Variants in TTC28 observed in about 807,000 individuals in gnomAD.
The protein encoded by TTC28 is tetratricopeptide repeat domain 28.
TTC28 carries 61 observed loss-of-function variants against 198.0 expected under a neutral mutation model. The ratio of observed to expected loss-of-function variants is 0.31; its 90% CI spans 0.25 to 0.38. The LOEUF is 0.38. TTC28 is among the 10% of genes least tolerant of loss of function. The pLI is 1.00. For missense variants in TTC28, 2,678 were observed against 3,164.0 expected, an observed-to-expected ratio of 0.85 and a Z score of 3.69; for synonymous variants, 1,171 against 1,297.8, an observed-to-expected ratio of 0.90 and a Z score of 2.10.
chr22:28,478,334 C>A (rs1189001769), intron 2 of TTC28, among the ~76,000 whole-genome samples: 2 of 151,978 alleles, frequency 1.3e-5, no homozygotes, highest in Non-Finnish European at 2.9e-5. Context: ...ACGGCGAAAC[C>A]CCACCTCTAC....
chr22:28,405,563 G>A (rs2046986716), intron 2 of TTC28, among the ~76,000 whole-genome samples: 2 of 152,236 alleles, frequency 1.3e-5, no homozygotes, highest in African/African-American at 2.4e-5. Context: ...GGAAAAGATA[G>A]TAATGGTGAG....
chr22:28,253,932 T>C (rs1159538921), intron 5 of TTC28, among the ~76,000 whole-genome samples: 3 of 151,940 alleles, frequency 2.0e-5, no homozygotes, highest in East Asian at 1.9e-4. Context: ...TGGTGAAACT[T>C]TGTCTCTACT....
chr22:28,296,443 C>A, intron 4 of TTC28, 115 bp from the exon 5 acceptor site: 1 of 944,192 alleles, frequency 1.1e-6, no homozygotes, highest in Non-Finnish European at 1.4e-6. Context: ...TAAGATTTCA[C>A]TTATCTTCTA....
At chr22:28,196,161 A>C (rs1437402668) in intron 5 of TTC28, among the ~76,000 whole-genome samples, 1 of 152,054 alleles carries the variant, frequency 6.6e-6, no homozygotes, top group African/African-American at 2.4e-5. Flanking sequence ...ATCTTTGACA[A>C]ACCTGACAAA....
At chr22:28,598,182 G>A (rs1442434741) in intron 2 of TTC28, among the ~76,000 whole-genome samples, 6 of 151,564 alleles carry the variant, frequency 4.0e-5, no homozygotes, top group Non-Finnish European at 8.8e-5. Flanking sequence ...TTAAACCATG[G>A]AAAAACTGCA....
intron 5 of TTC28, among the ~76,000 whole-genome samples, chr22:28,279,768 T>C (rs756633617): frequency 3.3e-5 from 5 of 152,198 alleles, no homozygotes; most frequent in Admixed American, 2.0e-4. Flanking sequence ...CGTATAGCTC[T>C]TCCTAGTCAA....
Position 28,107,124 on chromosome 22 carries a change from C to T in TTC28, c.2721G>A (p.Ala907=), listed in dbSNP as rs368294452. Residue 907 remains alanine (A), a synonymous_variant, in exon 7 of 23, where the codon GCG becomes GCA. Transcript: ENST00000397906. ...IKYYEQYLSV[A]QSLNRMQDQA... is the part of the protein sequence containing the mutation. The stretch of plus-strand genomic sequence containing the variant: ...GGTCTTGCATGCGATTCAGACTCTG[C>T]GCGACAGATAAATATTGTTCATAGT... 8.4e-6 allele frequency: 13 copies of T among 1,551,558 alleles called. No homozygotes were observed. Among genetic ancestry groups the T allele is most frequent in the East Asian group, 4.9e-5 (2 of 40,924 alleles).
chr22:28,645,939 T>C (rs1336160598), intron 1 of TTC28, among the ~76,000 whole-genome samples: 1 of 152,080 alleles, frequency 6.6e-6, no homozygotes, highest in Non-Finnish European at 1.5e-5. Context: ...AATAAAAGCA[T>C]GTATGATAAA....
intron 12 of TTC28, among the ~76,000 whole-genome samples, chr22:28,067,485 T>TG (rs1010261574): frequency 2.6e-5 from 4 of 152,122 alleles, no homozygotes; most frequent in African/African-American, 9.7e-5. Flanking sequence ...TTTGGAAAAC[T>TG]GGGGGGCAAG....
chr22:28,526,842 C>T (rs989226501), intron 2 of TTC28, among the ~76,000 whole-genome samples: 7 of 152,018 alleles, frequency 4.6e-5, no homozygotes, highest in Admixed American at 2.6e-4. Flanking sequence ...CTGCAACCTC[C>T]GCCTCCCAGG....
intron 2 of TTC28, among the ~76,000 whole-genome samples, chr22:28,384,216 C>T (rs1026695363): frequency 6.6e-6 from 1 of 152,144 alleles, no homozygotes; most frequent in Non-Finnish European, 1.5e-5. Flanking sequence ...CTCTTCATCA[C>T]TCTTTTTTTT....
chr22:28,530,747 C>A (rs1406204348), intron 2 of TTC28, among the ~76,000 whole-genome samples: 1 of 152,074 alleles, frequency 6.6e-6, no homozygotes, highest in Non-Finnish European at 1.5e-5. Flanking sequence ...AGAGTGGGGG[C>A]CAATATTCAA....
At chr22:28,392,448 C>A (rs1244678928) in intron 2 of TTC28, among the ~76,000 whole-genome samples, 1 of 152,208 alleles carries the variant, frequency 6.6e-6, no homozygotes, top group Non-Finnish European at 1.5e-5. Flanking sequence ...AGCCTCGCTG[C>A]CGCCTTGCAG....
intron 2 of TTC28, among the ~76,000 whole-genome samples, chr22:28,552,990 T>C (rs907250569): frequency 2.0e-5 from 3 of 152,122 alleles, no homozygotes; most frequent in African/African-American, 7.2e-5. Flanking sequence ...GGTTTCGCTG[T>C]GTTGGCCGGG....
Position 28,246,329 on chromosome 22 carries a change from A to C in TTC28, c.933+49869T>G, listed in dbSNP as rs530448447. Among the ~76,000 whole-genome samples the C allele has an allele frequency of 1.3e-4, 20 of 152,260 alleles. No homozygotes were observed. The South Asian group carries it at 4.1e-3, about 32-fold the overall frequency. ...TTTGAATGAGTTATGATATGCCAAC[A>C]CACCACCCCAAGGTCTGGCATAAAA... On this transcript the variant is annotated intron_variant, in intron 5 of 22. Transcript: ENST00000397906.
At chr22:28,197,707 G>A (rs1925517973) in intron 5 of TTC28, among the ~76,000 whole-genome samples, 1 of 151,992 alleles carries the variant, frequency 6.6e-6, no homozygotes, top group Non-Finnish European at 1.5e-5. Flanking sequence ...TAAGGACTGG[G>A]AGCAAGAACA....
At chr22:28,496,028 T>C (rs2048450433) in intron 2 of TTC28, among the ~76,000 whole-genome samples, 1 of 152,110 alleles carries the variant, frequency 6.6e-6, no homozygotes, top group Non-Finnish European at 1.5e-5. Context: ...GGCTCATTGC[T>C]CCCTCCTCCT....
intron 5 of TTC28, among the ~76,000 whole-genome samples, chr22:28,248,783 T>G (rs1417958437): frequency 6.6e-6 from 1 of 152,172 alleles, no homozygotes; most frequent in Non-Finnish European, 1.5e-5. Flanking sequence ...GTTTCCTACC[T>G]CTTTCCGTGA....
intron 2 of TTC28, among the ~76,000 whole-genome samples, chr22:28,318,091 T>A (rs990401899): frequency 2.5e-4 from 37 of 147,928 alleles, no homozygotes; most frequent in African/African-American, 2.5e-4. Context: ...TTTTTTTTTT[T>A]AGAGATGAGA....
Sources: gnomAD v4.1 joint callset for allele counts (sites outside exome capture counted in the v4.1 genomes callset) on GRCh38, gnomAD v4.1.1 for gene constraint, MANE v1.5 for transcripts, NCBI Gene and HGNC (gene_info 2026-07-23, HGNC 2026-07-21) for gene names.